Variants in GNA14 observed in about 807,000 individuals in gnomAD.
GNA14 encodes the protein G protein subunit alpha 14, also known as guanine nucleotide-binding protein subunit alpha-14.
A neutral mutation model predicts 42.0 loss-of-function variants in GNA14; 50 were observed. The ratio of observed to expected loss-of-function variants is 1.19; its 90% CI spans 0.95 to 1.51. GNA14 has a LOEUF of 1.51. Among genes scored for constraint, GNA14 ranks in the 40% most tolerant of loss-of-function variants. The pLI is 0.00. For missense variants in GNA14, 473 were observed against 446.2 expected, an observed-to-expected ratio of 1.06 and a Z score of -0.54; for synonymous variants, 173 against 163.1, an observed-to-expected ratio of 1.06 and a Z score of -0.46.
At chr9:77,605,818 T>C (rs1404677207) in intron 1 of GNA14, among the ~76,000 whole-genome samples, 2 of 152,244 alleles carry the variant, frequency 1.3e-5, no homozygotes, top group African/African-American at 4.8e-5. Flanking sequence ...TTAGTCTCAG[T>C]TACCTCAGCT....
intron 2 of GNA14, among the ~76,000 whole-genome samples, chr9:77,515,983 AC>A (rs1263318587): frequency 1.4e-5 from 2 of 145,354 alleles, no homozygotes; most frequent in African/African-American, 5.1e-5. Context: ...AAAAAAAAAA[AC>A]CCAGAGCAGG....
intron 2 of GNA14, among the ~76,000 whole-genome samples, chr9:77,498,141 A>C (rs1452111849): frequency 6.6e-6 from 1 of 152,160 alleles, no homozygotes; most frequent in Non-Finnish European, 1.5e-5. Context: ...TGGGAAGCCA[A>C]GGTGGGTGGA....
chr9:77,552,106 G>T (rs564095852), intron 1 of GNA14, among the ~76,000 whole-genome samples: 2 of 125,084 alleles, frequency 1.6e-5, no homozygotes, highest in East Asian at 4.7e-4. Flanking sequence ...AGCCTTTGCA[G>T]CAGGAGAGAA....
intron 2 of GNA14, among the ~76,000 whole-genome samples, chr9:77,476,990 A>G (rs1488330897): frequency 6.6e-6 from 1 of 152,170 alleles, no homozygotes; most frequent in East Asian, 1.9e-4. Context: ...CCTTGTCAGG[A>G]TTCTGTAATT....
At chr9:77,519,488 T>C (rs1465933328) in intron 2 of GNA14, among the ~76,000 whole-genome samples, 1 of 152,198 alleles carries the variant, frequency 6.6e-6, no homozygotes, top group Non-Finnish European at 1.5e-5. Context: ...TTAGTTAATG[T>C]ATTCCGTTTA....
intron 1 of GNA14, among the ~76,000 whole-genome samples, chr9:77,575,903 C>G (rs574794697): frequency 6.6e-6 from 1 of 152,290 alleles, no homozygotes; most frequent in East Asian, 1.9e-4. Flanking sequence ...GTCAACACAG[C>G]CATCCCTAAA....
intron 1 of GNA14, among the ~76,000 whole-genome samples, chr9:77,644,150 A>G (rs1226769430): frequency 6.6e-6 from 1 of 152,106 alleles, no homozygotes; most frequent in African/African-American, 2.4e-5. Context: ...CCCTAATAAA[A>G]TAGGAACTGG....
intron 5 of GNA14, among the ~76,000 whole-genome samples, chr9:77,428,424 C>CA (rs1205921215): frequency 6.6e-6 from 1 of 152,080 alleles, no homozygotes; most frequent in Non-Finnish European, 1.5e-5. Context: ...TCCACTGTGC[C>CA]ACCAAGGATG....
intron 5 of GNA14, among the ~76,000 whole-genome samples, chr9:77,425,919 C>A (rs72748240): frequency 0.058 from 8,879 of 152,238 alleles, 372 homozygotes; most frequent in South Asian, 0.12. Context: ...ACTAACCATC[C>A]CCTTCTGGGT....
intron 1 of GNA14, among the ~76,000 whole-genome samples, chr9:77,537,158 A>C (rs760195581): frequency 1.5e-4 from 23 of 152,130 alleles, no homozygotes; most frequent in Non-Finnish European, 2.8e-4. Context: ...CTTTGCTATC[A>C]AATATTGAGC....
intron 6 of GNA14, 121 bp downstream of exon 6, chr9:77,425,441 G>A: frequency 1.5e-6 from 1 of 652,400 alleles, no homozygotes; most frequent in South Asian, 2.0e-5. Flanking sequence ...GGTGGGAATA[G>A]GGGGAGAGGC....
At chr9:77,596,013 G>A (rs1028075060) in intron 1 of GNA14, among the ~76,000 whole-genome samples, 1 of 151,970 alleles carries the variant, frequency 6.6e-6, no homozygotes, top group African/African-American at 2.4e-5. Flanking sequence ...GAGGGAGCTG[G>A]TATCTCCCCT....
chr9:77,630,184 C>G (rs28464846), intron 1 of GNA14, among the ~76,000 whole-genome samples: 1 of 149,200 alleles, frequency 6.7e-6, no homozygotes, highest in African/African-American at 2.5e-5. Context: ...AGCAATATGT[C>G]GAGGCTCATT....
chr9:77,499,460 C>A (rs1192486929), intron 2 of GNA14, among the ~76,000 whole-genome samples: 3 of 151,248 alleles, frequency 2.0e-5, no homozygotes, highest in Admixed American at 1.3e-4. Context: ...ACATTGTGTA[C>A]ATCTTAGCAT....
intron 2 of GNA14, among the ~76,000 whole-genome samples, chr9:77,490,137 A>G (rs941999007): frequency 3.3e-5 from 5 of 152,180 alleles, no homozygotes; most frequent in African/African-American, 1.2e-4. Flanking sequence ...GTGTATTTAC[A>G]ATCCCTGAGC....
At chr9:77,591,037 T>C (rs771187333) in intron 1 of GNA14, among the ~76,000 whole-genome samples, 4 of 152,122 alleles carry the variant, frequency 2.6e-5, no homozygotes, top group Non-Finnish European at 4.4e-5. Flanking sequence ...CTCGGCAAAC[T>C]TAAAGTCATC....
At chr9:77,458,907 G>GGGGA (rs1554689045) in intron 2 of GNA14, among the ~76,000 whole-genome samples, 3 of 147,388 alleles carry the variant, frequency 2.0e-5, no homozygotes, top group Non-Finnish European at 3.1e-5. Flanking sequence ...AAGCTGGAGG[G>GGGGA]GGGGGGGTTG....
chr9:77,578,216 T>C (rs1823159635), intron 1 of GNA14, among the ~76,000 whole-genome samples: 1 of 152,116 alleles, frequency 6.6e-6, no homozygotes, highest in Non-Finnish European at 1.5e-5. Flanking sequence ...GCGGAGGTTG[T>C]AGTGAGCCGA....
chr9:77,584,728 G>T (rs201128554), intron 1 of GNA14, among the ~76,000 whole-genome samples: 1 of 148,990 alleles, frequency 6.7e-6, no homozygotes, highest in Non-Finnish European at 1.5e-5. Flanking sequence ...GTAAAGGAAT[G>T]AAAGAATGGC....
Sources: gnomAD v4.1 joint callset for allele counts (sites outside exome capture counted in the v4.1 genomes callset) on GRCh38, gnomAD v4.1.1 for gene constraint, MANE v1.5 for transcripts, NCBI Gene and HGNC (gene_info 2026-07-23, HGNC 2026-07-21) for gene names.